ARHGAP6: variants seen among roughly 807,000 people sequenced by gnomAD.
ARHGAP6 encodes rho GTPase-activating protein 6.
A neutral mutation model predicts 55.7 loss-of-function variants in ARHGAP6; 16 were observed. The observed-to-expected ratio is 0.29, with a 90% confidence interval of 0.19 to 0.44. ARHGAP6 has a LOEUF of 0.44. Among genes scored for constraint, ARHGAP6 ranks in the 20% least tolerant of loss-of-function variants. The pLI is 1.00. For synonymous variants in ARHGAP6, 382 were observed against 360.9 expected (o/e 1.06, Z -0.66); for missense variants, 698 against 808.9 (o/e 0.86, Z 1.66).
At chrX:11,285,189 T>C (rs1487082886) in intron 1 of ARHGAP6, among the ~76,000 whole-genome samples, 1 of 105,211 alleles carries the variant, frequency 9.5e-6, no homozygotes, top group Non-Finnish European at 1.9e-5. Flanking sequence ...TTCCAAACAT[T>C]TTGCTCTTAC....
intron 1 of ARHGAP6, among the ~76,000 whole-genome samples, chrX:11,353,604 G>GT: frequency 9.6e-6 from 1 of 104,651 alleles, no homozygotes; most frequent in South Asian, 4.6e-4. Context: ...GTGTATGCAT[G>GT]GTAGTATGTC....
intron 1 of ARHGAP6, chrX:11,298,207 A>T (rs754292311): frequency 8.3e-5 from 100 of 1,209,153 alleles, no homozygotes; most frequent in Non-Finnish European, 1.1e-4. Context: ...AATTAAATCA[A>T]ATGGGTTCTA....
At chrX:11,361,712 T>A (rs749539513) in intron 1 of ARHGAP6, among the ~76,000 whole-genome samples, 1 of 111,074 alleles carries the variant, frequency 9.0e-6, no homozygotes, top group Admixed American at 9.6e-5. Flanking sequence ...TCAGAGTGAA[T>A]AGGCAACCTA....
intron 1 of ARHGAP6, among the ~76,000 whole-genome samples, chrX:11,587,156 C>T (rs961670465): frequency 3.6e-5 from 4 of 111,203 alleles, no homozygotes; most frequent in African/African-American, 9.8e-5. Context: ...TGTTTGGATC[C>T]CCTTTATTTC....
intron 1 of ARHGAP6, among the ~76,000 whole-genome samples, chrX:11,446,247 CCA>C (rs1243744490): frequency 9.0e-6 from 1 of 111,520 alleles, no homozygotes; most frequent in East Asian, 2.8e-4. Flanking sequence ...ATTTCCATGT[CCA>C]GAGTGAGAAA....
intron 1 of ARHGAP6, among the ~76,000 whole-genome samples, chrX:11,516,606 C>T: frequency 8.9e-6 from 1 of 112,343 alleles, no homozygotes; most frequent in Non-Finnish European, 1.9e-5. Flanking sequence ...GATAAGTTTA[C>T]TTACTCGTTG....
chrX:11,521,399 A>G (rs1299212190), intron 1 of ARHGAP6, among the ~76,000 whole-genome samples: 3 of 112,192 alleles, frequency 2.7e-5, no homozygotes, highest in African/African-American at 6.5e-5. Context: ...TCCCAGCACC[A>G]TTTGTTGAAT....
intron 1 of ARHGAP6, among the ~76,000 whole-genome samples, chrX:11,643,913 C>A (rs955577461): frequency 9.1e-6 from 1 of 110,486 alleles, no homozygotes; most frequent in African/African-American, 3.3e-5. Context: ...GCTAGCTGAC[C>A]GCATATGCAT....
chrX:11,156,476 G>GGAAATA, intron 10 of ARHGAP6, 53 bp downstream of exon 10: 1 of 1,075,766 alleles, frequency 9.3e-7, no homozygotes, highest in Non-Finnish European at 1.3e-6. Context: ...TCTCAGAAAT[G>GGAAATA]GAAATAGAAA....
intron 1 of ARHGAP6, among the ~76,000 whole-genome samples, chrX:11,570,347 T>C (rs1393828396): frequency 8.9e-6 from 1 of 111,901 alleles, no homozygotes; most frequent in Non-Finnish European, 1.9e-5. Context: ...ATGAACATAA[T>C]TTATTTTATA....
At position 11,595,294 on chromosome X, in the gene ARHGAP6, GAAAAAAAAAA is replaced by G. The variant is rs200780665; in HGVS notation, c.588+68937_588+68946del. On this transcript the variant is annotated intron_variant, in intron 1 of 12. Transcript: ENST00000337414. ...GACAGGGTGAGACTCTGTCTCAAGA[GAAAAAAAAAA>G]AAAAAAGAAGGATCAAAAAGAAAAG... 6.3e-5 allele frequency among the ~76,000 whole-genome samples: 4 copies of G among 63,610 alleles called. No homozygotes were observed. In the Admixed American group the frequency reaches 7.1e-4, roughly 11 times the overall value. 55.2% of individuals were successfully genotyped at this position (63,610 alleles called of 115,157 possible).
In ARHGAP6 at chrX:11,426,138, G is replaced by C. The variant is rs2049876730; in HGVS notation, c.589-171431C>G. ...AAAACCAGAGAAAGAGCTGTTACAG[G>C]TTCCTGGAACGTTTGCCTGGGAAGG... On this transcript the variant is annotated intron_variant, in intron 1 of 12. Transcript: ENST00000337414. Among the ~76,000 whole-genome samples, 3 of 112,136 alleles carry C rather than the reference G, an allele frequency of 2.7e-5. No homozygotes were observed. The Admixed American group carries it at 2.8e-4, about 11-fold the overall frequency.
At chrX:11,420,862 G>A (rs185511292) in intron 1 of ARHGAP6, among the ~76,000 whole-genome samples, 30 of 112,104 alleles carry the variant, frequency 2.7e-4, no homozygotes, top group Non-Finnish European at 4.5e-4. Flanking sequence ...TTAGGCCCAC[G>A]ATTAACACAT....
chrX:11,382,359 G>T (rs1436564745), intron 1 of ARHGAP6, among the ~76,000 whole-genome samples: 1 of 111,248 alleles, frequency 9.0e-6, no homozygotes, highest in Non-Finnish European at 1.9e-5. Flanking sequence ...AAAGGTTATT[G>T]GTAATTGTTA....
At chrX:11,622,465 T>G (rs1035366570) in intron 1 of ARHGAP6, among the ~76,000 whole-genome samples, 2 of 111,732 alleles carry the variant, frequency 1.8e-5, no homozygotes, top group Non-Finnish European at 3.8e-5. Context: ...GAAAAAAATG[T>G]ACCAAAGAAA....
At chrX:11,441,774 G>A (rs2050041451) in intron 1 of ARHGAP6, among the ~76,000 whole-genome samples, 1 of 110,244 alleles carries the variant, frequency 9.1e-6, no homozygotes, top group Admixed American at 9.6e-5. Context: ...CCTTTTAGGT[G>A]CTACACGAGA....
chrX:11,603,376 TG>T (rs1251052048), intron 1 of ARHGAP6, among the ~76,000 whole-genome samples: 1 of 112,185 alleles, frequency 8.9e-6, no homozygotes, highest in African/African-American at 3.2e-5. Flanking sequence ...ATGTGAAAAC[TG>T]TTTTGCTTTT....
At chrX:11,216,903 C>T (rs2046891071) in intron 2 of ARHGAP6, among the ~76,000 whole-genome samples, 1 of 109,593 alleles carries the variant, frequency 9.1e-6, no homozygotes, top group African/African-American at 3.3e-5. Context: ...GTGTTATGTT[C>T]CCCTCCCTGT....
intron 1 of ARHGAP6, among the ~76,000 whole-genome samples, chrX:11,430,489 A>G (rs761365977): frequency 8.9e-5 from 10 of 112,266 alleles, no homozygotes. Flanking sequence ...CACCTCCTTC[A>G]ATTCTTAGTC....
Sources: allele counts gnomAD v4.1 joint callset (sites outside exome capture counted in the v4.1 genomes callset), GRCh38; gene constraint gnomAD v4.1.1; transcripts MANE v1.5; gene names NCBI Gene and HGNC (gene_info 2026-07-23, HGNC 2026-07-21).